GOLGA4: variants seen among roughly 807,000 people sequenced by gnomAD.
The protein encoded by GOLGA4 is golgin A4.
GOLGA4 carries 169 observed loss-of-function variants against 265.9 expected under a neutral mutation model. The ratio of observed to expected loss-of-function variants is 0.64; its 90% CI spans 0.56 to 0.72. The LOEUF is 0.72. GOLGA4 is among the 30% of genes least tolerant of loss of function. GOLGA4 has a pLI of 0.00. For missense variants in GOLGA4, 2,482 were observed against 2,483.4 expected, an observed-to-expected ratio of 1.00 and a Z score of 0.01; for synonymous variants, 923 against 855.8, an observed-to-expected ratio of 1.08 and a Z score of -1.37.
chr3:37,317,670 T>G (rs1578663839), intron 11 of GOLGA4, among the ~76,000 whole-genome samples: 1 of 152,350 alleles, frequency 6.6e-6, no homozygotes. Context: ...ATTATCTAAC[T>G]TTATCTTTCC....
chr3:37,244,667 A>C (rs2150567327), intron 1 of GOLGA4, among the ~76,000 whole-genome samples: 1 of 152,314 alleles, frequency 6.6e-6, no homozygotes, highest in Non-Finnish European at 1.5e-5. Flanking sequence ...ACATACAACG[A>C]TTGCATTAGG....
intron 11 of GOLGA4, among the ~76,000 whole-genome samples, chr3:37,317,750 G>C (rs776862596): frequency 2.7e-4 from 41 of 151,674 alleles, no homozygotes; most frequent in Non-Finnish European, 5.2e-4. Flanking sequence ...CTATTTATTT[G>C]GCGAAATCCT....
At chr3:37,328,602 T>G in intron 15 of GOLGA4, 65 bp downstream of exon 15, 1 of 1,425,446 alleles carries the variant, frequency 7.0e-7, no homozygotes, top group Non-Finnish European at 9.6e-7. Flanking sequence ...AAGCTTATCA[T>G]TTTTGCAGTG....
intron 11 of GOLGA4, among the ~76,000 whole-genome samples, chr3:37,317,823 T>G (rs1277864479): frequency 2.6e-5 from 4 of 152,156 alleles, no homozygotes; most frequent in Admixed American, 2.6e-4. Flanking sequence ...TTGTTTATAG[T>G]GAGAATTAGG....
At chr3:37,284,664 CT>C (rs75537927) in intron 3 of GOLGA4, among the ~76,000 whole-genome samples, 1,693 of 133,456 alleles carry the variant, frequency 0.013, 17 homozygotes, top group African/African-American at 0.033. Flanking sequence ...TCCATTGCTG[CT>C]TTTTTTTTTT....
chr3:37,341,386 C>A (rs1448305451), intron 20 of GOLGA4, among the ~76,000 whole-genome samples: 1 of 152,144 alleles, frequency 6.6e-6, no homozygotes, highest in Non-Finnish European at 1.5e-5. Flanking sequence ...CTATGGGAAG[C>A]ATGAGGACAT....
At chr3:37,346,088 A>G (rs1425011681) in intron 20 of GOLGA4, among the ~76,000 whole-genome samples, 2 of 152,198 alleles carry the variant, frequency 1.3e-5, no homozygotes, top group Non-Finnish European at 2.9e-5. Flanking sequence ...AGGGGAAATA[A>G]TGTGTTTTCA....
At chr3:37,313,353 A>G (rs2096928162) in intron 10 of GOLGA4, 1 of 152,212 alleles carries the variant, frequency 6.6e-6, no homozygotes, top group Non-Finnish European at 1.5e-5. Flanking sequence ...TTTGTCTTCA[A>G]GTTTGCAATT....
At chr3:37,351,139 T>C (rs554698047) in intron 21 of GOLGA4, among the ~76,000 whole-genome samples, 1 of 152,306 alleles carries the variant, frequency 6.6e-6, no homozygotes, top group Admixed American at 6.5e-5. Context: ...ACTAAGTTTA[T>C]TTAATATTCT....
chr3:37,317,880 A>G (rs920314962), intron 11 of GOLGA4, among the ~76,000 whole-genome samples: 8 of 151,066 alleles, frequency 5.3e-5, no homozygotes, highest in Non-Finnish European at 1.0e-4. Flanking sequence ...TCAGTTTGTT[A>G]TTTGTTGACT....
Position 37,326,896 on chromosome 3 carries a change from A to G in GOLGA4, c.5010A>G (p.Thr1670=). The change falls in exon 14 of 24, where the codon ACA becomes ACG. Residue 1670 remains threonine, a synonymous_variant. Coordinates refer to ENST00000361924, the MANE Select transcript of GOLGA4 (RefSeq NM_002078.5). ...EEKEEQYKKG[T]ESHLSELNTK... ...AAGAAGAACAGTATAAAAAAGGTAC[A>G]GAAAGCCATTTGAGTGAGCTAAATA... 1 of 1,613,862 alleles carries G rather than the reference A, an allele frequency of 6.2e-7. No homozygotes were observed. The highest frequency in any genetic ancestry group is 8.5e-7 in the Non-Finnish European group (1 of 1,179,780).
intron 2 of GOLGA4, among the ~76,000 whole-genome samples, chr3:37,280,423 C>T (rs2096831700): frequency 6.6e-6 from 1 of 152,094 alleles, no homozygotes; most frequent in African/African-American, 2.4e-5. Flanking sequence ...TACCTTCAGG[C>T]TATCTGTATA....
chr3:37,324,154 T>A lies in GOLGA4; in HGVS notation c.2268T>A (p.Asp756Glu). 10 of 1,614,034 alleles carry A rather than the reference T, an allele frequency of 6.2e-6. No homozygotes were observed. The highest frequency in any genetic ancestry group is 8.5e-6 in the Non-Finnish European group (10 of 1,179,946). Residue 756 changes from aspartate to glutamate, a missense_variant, in exon 14 of 24, where the codon GAT (aspartate) becomes GAA (glutamate). Asp to Glu is a conservative substitution (Grantham distance 45). Transcript: ENST00000361924. Reference sequence around the variant, plus strand: ...AGAGGACTGAGAAGGCATTAAAAGATCAAATTAATCAACTTGAGCTTCTCT... The same window carrying A: ...AGAGGACTGAGAAGGCATTAAAAGAACAAATTAATCAACTTGAGCTTCTCT... ...SIQRTEKALK[D>E]QINQLELLLK...
At chr3:37,363,454 A>C (rs1256019863) in intron 23 of GOLGA4, among the ~76,000 whole-genome samples, 1 of 152,210 alleles carries the variant, frequency 6.6e-6, no homozygotes, top group Non-Finnish European at 1.5e-5. Context: ...TTTCAGACAT[A>C]AGATTTGCAA....
chr3:37,360,342 A>G (rs936917259), intron 22 of GOLGA4, among the ~76,000 whole-genome samples: 1 of 152,198 alleles, frequency 6.6e-6, no homozygotes, highest in Non-Finnish European at 1.5e-5. Flanking sequence ...CTTTACAAGC[A>G]TAGACATAGG....
At chr3:37,309,966 A>C (rs1051606361) in intron 10 of GOLGA4, among the ~76,000 whole-genome samples, 6 of 152,148 alleles carry the variant, frequency 3.9e-5, no homozygotes, top group African/African-American at 1.4e-4. Flanking sequence ...ATTCTGATAA[A>C]ATTCTTTTTG....
chr3:37,296,891 C>G (rs2096879920), intron 7 of GOLGA4, among the ~76,000 whole-genome samples: 1 of 151,992 alleles, frequency 6.6e-6, no homozygotes, highest in Non-Finnish European at 1.5e-5. Flanking sequence ...TTTTAATATG[C>G]AAAAATTTCA....
At chr3:37,343,632 T>G (rs544028432) in intron 20 of GOLGA4, among the ~76,000 whole-genome samples, 10 of 152,314 alleles carry the variant, frequency 6.6e-5, no homozygotes, top group African/African-American at 2.4e-4. Context: ...CTTTTATCAT[T>G]TATTTGATGA....
intron 5 of GOLGA4, 120 bp downstream of exon 5, chr3:37,289,411 C>A: frequency 1.7e-6 from 1 of 598,160 alleles, no homozygotes; most frequent in Non-Finnish European, 3.0e-6. Context: ...ACTAACCAGT[C>A]CAGCCTACAA....
Sources: gnomAD v4.1 joint callset for allele counts (sites outside exome capture counted in the v4.1 genomes callset) on GRCh38, gnomAD v4.1.1 for gene constraint, MANE v1.5 for transcripts, NCBI Gene and HGNC (gene_info 2026-07-23, HGNC 2026-07-21) for gene names.